Variants in KCNQ5 observed in about 807,000 individuals in gnomAD.
KCNQ5 encodes the protein potassium voltage-gated channel subfamily KQT member 5.
A neutral mutation model predicts 98.2 loss-of-function variants in KCNQ5; 30 were observed. The ratio of observed to expected loss-of-function variants is 0.31; its 90% CI spans 0.23 to 0.41. KCNQ5 has a LOEUF of 0.41. KCNQ5 is among the 10% of genes least tolerant of loss of function. The pLI is 1.00. For synonymous variants in KCNQ5, 458 were observed against 449.4 expected (o/e 1.02, Z -0.24); for missense variants, 835 against 1,182.5 (o/e 0.71, Z 4.31).
chr6:72,748,768 G>A (rs1309954041), intron 1 of KCNQ5, among the ~76,000 whole-genome samples: 1 of 152,148 alleles, frequency 6.6e-6, no homozygotes, highest in African/African-American at 2.4e-5. Flanking sequence ...TGTTGGTGCT[G>A]TACCAGGCAA....
At chr6:72,926,813 T>C (rs1201024629) in intron 1 of KCNQ5, among the ~76,000 whole-genome samples, 1 of 152,174 alleles carries the variant, frequency 6.6e-6, no homozygotes, top group East Asian at 1.9e-4. Context: ...TATTTGATAA[T>C]ATGTAGCAGA....
intron 1 of KCNQ5, among the ~76,000 whole-genome samples, chr6:72,883,505 G>T (rs916548369): frequency 1.3e-5 from 2 of 152,062 alleles, no homozygotes; most frequent in African/African-American, 4.8e-5. Flanking sequence ...CTTTTAAAAG[G>T]TTTAAGAAAA....
chr6:72,748,022 A>C (rs1247646378), intron 1 of KCNQ5, among the ~76,000 whole-genome samples: 1 of 152,130 alleles, frequency 6.6e-6, no homozygotes, highest in Non-Finnish European at 1.5e-5. Context: ...TCGTTGTATA[A>C]TCTATACATC....
intron 1 of KCNQ5, among the ~76,000 whole-genome samples, chr6:72,669,910 C>CTTTTTTT (rs541665177): frequency 8.1e-5 from 11 of 134,994 alleles, no homozygotes; most frequent in Admixed American, 2.3e-4. Context: ...ACTTTCTTTC[C>CTTTTTTT]TTTTTTTTTT....
At chr6:72,982,327 T>A (rs1308626145) in intron 1 of KCNQ5, among the ~76,000 whole-genome samples, 1 of 152,186 alleles carries the variant, frequency 6.6e-6, no homozygotes, top group African/African-American at 2.4e-5. Flanking sequence ...GCTTTATGAA[T>A]CTGGGTGCTC....
chr6:72,732,470 C>A (rs1246218126), intron 1 of KCNQ5, among the ~76,000 whole-genome samples: 1 of 152,132 alleles, frequency 6.6e-6, no homozygotes, highest in African/African-American at 2.4e-5. Context: ...CCAGCAAGAA[C>A]AGAGTGTGTG....
intron 2 of KCNQ5, among the ~76,000 whole-genome samples, chr6:73,040,826 A>C (rs547254655): frequency 6.6e-6 from 1 of 152,100 alleles, no homozygotes; most frequent in South Asian, 2.1e-4. Flanking sequence ...AATTTGCAAC[A>C]AAAATGCCAC....
intron 1 of KCNQ5, among the ~76,000 whole-genome samples, chr6:72,902,130 T>C (rs1439213110): frequency 6.6e-6 from 1 of 152,204 alleles, no homozygotes; most frequent in Non-Finnish European, 1.5e-5. Flanking sequence ...GTTCTTGATT[T>C]GATTTTCAGC....
intron 11 of KCNQ5, among the ~76,000 whole-genome samples, chr6:73,187,647 G>A (rs1050926982): frequency 6.6e-6 from 1 of 152,044 alleles, no homozygotes; most frequent in African/African-American, 2.4e-5. Flanking sequence ...TGAGTATATT[G>A]AAATAACATA....
At chr6:72,679,689 A>T (rs998285434) in intron 1 of KCNQ5, among the ~76,000 whole-genome samples, 1 of 152,052 alleles carries the variant, frequency 6.6e-6, no homozygotes, top group Non-Finnish European at 1.5e-5. Flanking sequence ...TAACCTGCAC[A>T]TTGTACACAT....
chr6:72,727,434 T>C (rs773688627), intron 1 of KCNQ5, among the ~76,000 whole-genome samples: 2 of 152,238 alleles, frequency 1.3e-5, no homozygotes, highest in Non-Finnish European at 2.9e-5. Flanking sequence ...AATTCAATGA[T>C]GGCATTTATG....
At chr6:72,701,156 T>C (rs1561930368) in intron 1 of KCNQ5, among the ~76,000 whole-genome samples, 1 of 152,222 alleles carries the variant, frequency 6.6e-6, no homozygotes, top group Non-Finnish European at 1.5e-5. Flanking sequence ...GTGTACTTTG[T>C]GTAGAAGGCT....
intron 3 of KCNQ5, among the ~76,000 whole-genome samples, chr6:73,051,503 G>A (rs751886955): frequency 1.3e-5 from 2 of 152,050 alleles, no homozygotes; most frequent in Non-Finnish European, 2.9e-5. Context: ...ACACCTTAGC[G>A]CCTCCACTTT....
rs757012330 is a variant in KCNQ5 at position 73,194,701 on chromosome 6, G to A, written c.2086G>A (p.Glu696Lys). The A allele has an allele frequency of 2.5e-6, 4 of 1,614,140 alleles. No individual in the cohort carries two copies. ...CCTGCAGTTCATTCTGACGCCAAAT[G>A]AGTTCAGTGCCCAGACTTTCTACGC... ...RGLQFILTPNEFSAQTFYALS... is the reference protein window; with the variant it reads ...RGLQFILTPNKFSAQTFYALS... The change falls in exon 14 of 14, where the codon GAG becomes AAG. Residue 696 changes from glutamate (E) to lysine (K), a missense_variant. By Grantham distance (56) the Glu-to-Lys change is moderately conservative (BLOSUM62 1). Coordinates refer to ENST00000370398, the MANE Select transcript of KCNQ5 (RefSeq NM_019842.4).
intron 1 of KCNQ5, among the ~76,000 whole-genome samples, chr6:72,843,302 G>A (rs981267804): frequency 6.6e-6 from 1 of 152,076 alleles, no homozygotes; most frequent in Non-Finnish European, 1.5e-5. Context: ...TAGATGTGTG[G>A]CATTATTTCT....
chr6:73,131,224 TG>T (rs1488160348), intron 9 of KCNQ5, among the ~76,000 whole-genome samples: 1 of 152,194 alleles, frequency 6.6e-6, no homozygotes, highest in African/African-American at 2.4e-5. Context: ...ACTTTCATTT[TG>T]GATGTTTTTA....
At chr6:72,790,893 G>T (rs1262321720) in intron 1 of KCNQ5, among the ~76,000 whole-genome samples, 1 of 152,078 alleles carries the variant, frequency 6.6e-6, no homozygotes, top group South Asian at 2.1e-4. Flanking sequence ...TTCAACAAAG[G>T]GTTTTTGTTT....
At chr6:72,891,126 G>A (rs751093114) in intron 1 of KCNQ5, among the ~76,000 whole-genome samples, 14 of 152,158 alleles carry the variant, frequency 9.2e-5, no homozygotes, top group Admixed American at 7.9e-4. Context: ...ACTTTGAAAA[G>A]CAAGTGTCCT....
rs1164053030 is a variant in KCNQ5, at chr6:73,166,278, A to G, written c.1469-3468A>G. Among the ~76,000 whole-genome samples the G allele has an allele frequency of 2.0e-5, 3 of 151,970 alleles. No individual in the cohort carries two copies. In the East Asian group the frequency reaches 5.9e-4, roughly 30 times the overall value. On this transcript the variant is annotated intron_variant, in intron 10 of 13. Transcript: ENST00000370398. The stretch of plus-strand genomic sequence containing the variant: ...AAACCCCGACACTACTAAAAAAAAT[A>G]CAAAAAAAGTAGCTGGGCATGGTGG...
Sources: gnomAD v4.1 joint callset for allele counts (sites outside exome capture counted in the v4.1 genomes callset) on GRCh38, gnomAD v4.1.1 for gene constraint, MANE v1.5 for transcripts, NCBI Gene and HGNC (gene_info 2026-07-23, HGNC 2026-07-21) for gene names.